Variants in SEMA5A observed in about 807,000 individuals in gnomAD.
SEMA5A encodes the protein semaphorin-5A.
Under a neutral mutation model 135.5 loss-of-function variants are expected in SEMA5A, and 55 were observed. The ratio of observed to expected loss-of-function variants is 0.41; its 90% CI spans 0.33 to 0.51. The LOEUF (loss-of-function observed/expected upper bound fraction) is 0.51. Among genes scored for constraint, SEMA5A ranks in the 20% least tolerant of loss-of-function variants. The probability of loss-of-function intolerance (pLI) is 0.37; values close to 1 mark genes in which losing one functional copy is unlikely to be tolerated. For missense variants in SEMA5A, 1,290 were observed against 1,419.9 expected, an observed-to-expected ratio of 0.91 and a Z score of 1.47; for synonymous variants, 580 against 546.5, an observed-to-expected ratio of 1.06 and a Z score of -0.85.
intron 5 of SEMA5A, among the ~76,000 whole-genome samples, chr5:9,247,107 G>A (rs147803164): frequency 2.4e-3 from 370 of 152,302 alleles, no homozygotes; most frequent in African/African-American, 7.3e-3. Context: ...ACCACAGCAT[G>A]AATGCAAATG....
chr5:9,374,331 A>G (rs1230051651), intron 3 of SEMA5A, among the ~76,000 whole-genome samples: 1 of 151,624 alleles, frequency 6.6e-6, no homozygotes, highest in Non-Finnish European at 1.5e-5. Context: ...CTCTGACAGA[A>G]CATGCTAAGT....
chr5:9,375,395 C>T (rs1344251101), intron 3 of SEMA5A, among the ~76,000 whole-genome samples: 2 of 151,860 alleles, frequency 1.3e-5, no homozygotes. Flanking sequence ...AGGGAGGATA[C>T]CATGAGACTA....
At chr5:9,454,078 AG>A (rs1388561450) in intron 1 of SEMA5A, among the ~76,000 whole-genome samples, 3 of 152,222 alleles carry the variant, frequency 2.0e-5, no homozygotes, top group African/African-American at 7.2e-5. Flanking sequence ...GTCTAGCACT[AG>A]CCACCCTGGG....
chr5:9,414,298 G>A (rs751753119), intron 2 of SEMA5A, among the ~76,000 whole-genome samples: 3 of 152,124 alleles, frequency 2.0e-5, no homozygotes, highest in South Asian at 2.1e-4. Context: ...AAGATCTAGC[G>A]ATTCAACTAT....
At chr5:9,345,942 CAG>C (rs1753846789) in intron 3 of SEMA5A, among the ~76,000 whole-genome samples, 1 of 152,048 alleles carries the variant, frequency 6.6e-6, no homozygotes, top group Non-Finnish European at 1.5e-5. Context: ...GGAGAGAAGG[CAG>C]AGAGATTCTA....
intron 5 of SEMA5A, among the ~76,000 whole-genome samples, chr5:9,273,952 T>A (rs1750121506): frequency 6.6e-6 from 1 of 152,112 alleles, no homozygotes. Context: ...AATAACCAGC[T>A]AGCATCATAA....
intron 3 of SEMA5A, among the ~76,000 whole-genome samples, chr5:9,368,673 T>C (rs1368476455): frequency 6.6e-6 from 1 of 152,202 alleles, no homozygotes; most frequent in East Asian, 1.9e-4. Flanking sequence ...GTATCTAGAC[T>C]CTTTCATTTA....
rs781174356 is a variant in SEMA5A at position 9,119,102 on chromosome 5, G to T, written c.1821C>A (p.Cys607Ter). The change falls in exon 15 of 23, where the codon TGC becomes TGA. Residue 607 changes from cysteine to a stop codon, truncating the protein, a stop_gained. Coordinates refer to ENST00000382496, the MANE Select transcript of SEMA5A (RefSeq NM_003966.3). LOFTEE classifies it high-confidence loss of function. The stretch of plus-strand genomic sequence containing the variant: ...GGAAGCCGATCCCACAGGTAGTGCT[G>T]CAGGGAGACCACGAGGTCCAGGGAG... ...GWTPWTSWSPCSTTCGIGFQV... is the reference protein window; with the variant it reads ...GWTPWTSWSP 1 of 1,613,936 alleles carries T rather than the reference G, an allele frequency of 6.2e-7. No homozygotes were observed. Among genetic ancestry groups the T allele is most frequent in the Non-Finnish European group, 8.5e-7 (1 of 1,179,958 alleles).
At chr5:9,089,757 TA>T (rs1738931058) in intron 16 of SEMA5A, among the ~76,000 whole-genome samples, 1 of 152,176 alleles carries the variant, frequency 6.6e-6, no homozygotes. Flanking sequence ...CTAAGTATGA[TA>T]ATGTTTGTGG....
intron 11 of SEMA5A, among the ~76,000 whole-genome samples, chr5:9,160,098 T>C (rs923687974): frequency 6.6e-6 from 1 of 152,066 alleles, no homozygotes; most frequent in Non-Finnish European, 1.5e-5. Flanking sequence ...GGTCAATAGG[T>C]GCAACAAACC....
At chr5:9,347,628 C>G (rs1193416976) in intron 3 of SEMA5A, among the ~76,000 whole-genome samples, 1 of 151,992 alleles carries the variant, frequency 6.6e-6, no homozygotes, top group African/African-American at 2.4e-5. Flanking sequence ...ATACTAACCA[C>G]CAACCTGTGA....
At chr5:9,297,969 G>A (rs1157627773) in intron 5 of SEMA5A, among the ~76,000 whole-genome samples, 4 of 152,074 alleles carry the variant, frequency 2.6e-5, no homozygotes, top group Non-Finnish European at 5.9e-5. Flanking sequence ...TACACATAGA[G>A]TTAAAGAATA....
chr5:9,495,206 T>C (rs1735238239), intron 1 of SEMA5A, among the ~76,000 whole-genome samples: 1 of 152,220 alleles, frequency 6.6e-6, no homozygotes. Context: ...CTGGCGTCCC[T>C]GTGAGTAATT....
chr5:9,106,879 C>A (rs555396351), intron 16 of SEMA5A, among the ~76,000 whole-genome samples: 69 of 152,256 alleles, frequency 4.5e-4, no homozygotes, highest in African/African-American at 1.6e-3. Context: ...ATGAGAGCTA[C>A]GACAGTATCT....
At chr5:9,055,816 G>C (rs1736858663) in intron 18 of SEMA5A, among the ~76,000 whole-genome samples, 2 of 151,406 alleles carry the variant, frequency 1.3e-5, no homozygotes, top group South Asian at 4.2e-4. Flanking sequence ...TCAAGTATTT[G>C]ATACTGGCTG....
chr5:9,311,357 T>C (rs1752123000), intron 5 of SEMA5A, among the ~76,000 whole-genome samples: 1 of 151,756 alleles, frequency 6.6e-6, no homozygotes, highest in Non-Finnish European at 1.5e-5. Flanking sequence ...CCAACCCAGA[T>C]ATACAGGAAA....
At chr5:9,082,924 G>A (rs932567457) in intron 16 of SEMA5A, among the ~76,000 whole-genome samples, 1 of 151,878 alleles carries the variant, frequency 6.6e-6, no homozygotes, top group Admixed American at 6.6e-5. Context: ...AGTTTCTAGG[G>A]GTATCATTTT....
In SEMA5A at chr5:9,119,986, T is replaced by C. The variant is rs138715211; in HGVS notation, c.1782-845A>G. On this transcript the variant is annotated intron_variant, in intron 14 of 22. Coordinates refer to ENST00000382496, the MANE Select transcript of SEMA5A (RefSeq NM_003966.3). Reference sequence around the variant, plus strand: ...TGACAGCTCTAGAAATGTTTTAGTATTGTATTTTTTCCTTAAAATGCTTGT... The same window carrying C: ...TGACAGCTCTAGAAATGTTTTAGTACTGTATTTTTTCCTTAAAATGCTTGT... Among the ~76,000 whole-genome samples, 252 of 152,264 alleles carry C rather than the reference T, an allele frequency of 1.7e-3. 2 individuals are homozygous for C. Among genetic ancestry groups the C allele is most frequent in the Non-Finnish European group, 2.2e-3 (149 of 67,998 alleles).
chr5:9,478,731 T>C, intron 1 of SEMA5A, among the ~76,000 whole-genome samples: 1 of 152,240 alleles, frequency 6.6e-6, no homozygotes, highest in African/African-American at 2.4e-5. Context: ...GCTTTTGATT[T>C]TACAGGCTCA....
Sources: allele counts gnomAD v4.1 joint callset (sites outside exome capture counted in the v4.1 genomes callset), GRCh38; gene constraint gnomAD v4.1.1; transcripts MANE v1.5; gene names NCBI Gene and HGNC (gene_info 2026-07-23, HGNC 2026-07-21).